BICRA: variants seen among roughly 807,000 people sequenced by gnomAD.
The protein encoded by BICRA is BRD4 interacting chromatin remodeling complex associated protein.
A neutral mutation model predicts 96.9 loss-of-function variants in BICRA; 31 were observed. The ratio of observed to expected loss-of-function variants is 0.32; its 90% CI spans 0.24 to 0.43. The LOEUF (loss-of-function observed/expected upper bound fraction) is 0.43, where lower values mean the gene tolerates loss of function less well. Ranked by LOEUF, BICRA falls within the 20% of genes least tolerant of loss-of-function variation. The pLI is 1.00. For synonymous variants in BICRA, 1,350 were observed against 1,071.8 expected (o/e 1.26, Z -5.07); for missense variants, 2,283 against 2,190.3 (o/e 1.04, Z -0.84).
chr19:47,697,361 TC>T (rs1973362812), intron 11 of BICRA, among the ~76,000 whole-genome samples: 1 of 150,976 alleles, frequency 6.6e-6, no homozygotes, highest in East Asian at 2.0e-4. Flanking sequence ...CCATTGCACT[TC>T]AGCCCAGGCG....
At chr19:47,632,302 G>A (rs1000507917) in intron 1 of BICRA, among the ~76,000 whole-genome samples, 73 of 152,342 alleles carry the variant, frequency 4.8e-4, no homozygotes, top group African/African-American at 1.3e-3. Flanking sequence ...AACAGCAGCC[G>A]GAGCTTTTGA....
rs1168179820 is a variant in BICRA at position 47,616,413 on chromosome 19, G to T, written c.-108+7245G>T. On this transcript the variant is annotated intron_variant, in intron 1 of 14. Coordinates refer to ENST00000594866, the MANE Select transcript of BICRA (RefSeq NM_001394372.1). The stretch of plus-strand genomic sequence containing the variant: ...GCACTTTGGGAGGCCAAGGCAGGCG[G>T]ATCACTTGAGGTCAGGAGTTCGAGA... Among the ~76,000 whole-genome samples the T allele has an allele frequency of 5.3e-5, 8 of 152,172 alleles. No individual in the cohort carries two copies. In the South Asian group the frequency reaches 1.0e-3, roughly 20 times the overall value.
intron 1 of BICRA, among the ~76,000 whole-genome samples, chr19:47,619,247 T>G (rs1972029223): frequency 6.6e-6 from 1 of 151,210 alleles, no homozygotes; most frequent in South Asian, 2.1e-4. Context: ...TTTTTTTCCT[T>G]TTTTTTGTGT....
intron 1 of BICRA, among the ~76,000 whole-genome samples, chr19:47,629,335 C>G (rs924275809): frequency 6.6e-6 from 1 of 152,190 alleles, no homozygotes; most frequent in African/African-American, 2.4e-5. Context: ...TTCAACAACT[C>G]CCCCCATCCC....
chr19:47,627,865 G>T (rs1972163819), intron 1 of BICRA, among the ~76,000 whole-genome samples: 2 of 152,170 alleles, frequency 1.3e-5, no homozygotes, highest in Admixed American at 6.6e-5. Context: ...CACCTCCCGG[G>T]TTCAAGCGAT....
Position 47,699,110 on chromosome 19 carries a change from C to A in BICRA, c.3492+51C>A. On this transcript the variant is annotated intron_variant, in intron 13 of 14. Transcript: ENST00000594866. The surrounding 1 kb of genome is among the most constrained non-coding windows in gnomAD (Gnocchi z 5.0). ...CTCTGGGCTCCTCCTCGCTGGGACA[C>A]TGCCCCTTTCCCTCACCCGCTCTGG... 1 of 1,264,162 alleles carries A rather than the reference C, an allele frequency of 7.9e-7. No homozygotes were observed. Among genetic ancestry groups the A allele is most frequent in the South Asian group, 1.3e-5 (1 of 78,600 alleles). 78.3% of individuals were successfully genotyped at this position (1,264,162 alleles called of 1,614,324 possible). A position where few individuals can be genotyped will look rare whatever the true frequency, so the allele number is the denominator to read the frequency against.
At chr19:47,697,010 T>TG (rs1169797585) in intron 11 of BICRA, among the ~76,000 whole-genome samples, 23 of 57,380 alleles carry the variant, frequency 4.0e-4, no homozygotes, top group African/African-American at 9.5e-4. Context: ...TGTTTTGTTT[T>TG]AGGGGGGGTT....
Position 47,701,212 on chromosome 19 carries a change from C to T in BICRA, c.3596-116C>T, listed in dbSNP as rs1973435898. On this transcript the variant is annotated intron_variant, in intron 14 of 14. Transcript: ENST00000594866. The surrounding 1 kb of genome is among the most constrained non-coding windows in gnomAD (Gnocchi z 5.4). ...AGCCTATCCTGAGGATTGGAGGGTC[C>T]AGGGTGCAGTCTGGTGCCTGGCAGG... is the stretch of plus-strand genomic sequence containing the variant. The T allele has an allele frequency of 1.4e-6, 1 of 710,818 alleles. No homozygotes were observed. Among genetic ancestry groups the T allele is most frequent in the Non-Finnish European group, 2.4e-6 (1 of 409,710 alleles). The allele number at this position is 710,818 out of a possible 1,614,324, so 44.0% of individuals were successfully genotyped here.
At chr19:47,677,028 C>T (rs1972952556) in intron 5 of BICRA, among the ~76,000 whole-genome samples, 1 of 152,090 alleles carries the variant, frequency 6.6e-6, no homozygotes, top group African/African-American at 2.4e-5. Context: ...GAGCCAGAGC[C>T]CTGTCTGCCT....
chr19:47,610,066 G>A (rs1338575251), intron 1 of BICRA, among the ~76,000 whole-genome samples: 2 of 152,188 alleles, frequency 1.3e-5, no homozygotes, highest in Non-Finnish European at 2.9e-5. Flanking sequence ...CCCGGCCGGG[G>A]CACCGCGCTC....
chr19:47,701,656 C>G lies in BICRA; in HGVS notation c.3924C>G (p.Leu1308=). The G allele has an allele frequency of 1.9e-6, 3 of 1,600,840 alleles. No individual in the cohort carries two copies. In the African/African-American group the frequency reaches 4.0e-5, roughly 21 times the overall value. Residue 1308 remains leucine (L), a synonymous_variant, in exon 15 of 15, where the codon CTC becomes CTG. Transcript: ENST00000594866. This position sits in a 1 kb window ranked among gnomAD's most constrained non-coding sequence, Gnocchi z 5.4. ...ACGAGGCCCGGAGCCGCATCGGGCT[C>G]AAGCTCAAGATCAAGCAGGAAGCCG... ...KTYEARSRIG[L]KLKIKQEAGL... is the part of the protein sequence containing the mutation.
rs1487470382 is a variant in BICRA at position 47,680,220 on chromosome 19, C to G, written c.1050C>G (p.Pro350=). 3.2e-6 allele frequency: 5 copies of G among 1,559,746 alleles called. No individual in the cohort carries two copies. The African/African-American group carries it at 6.8e-5, about 21-fold the overall frequency. ...PNVILHRTPT[P]IQPKPAGVLP... ...TGATCCTGCATCGCACACCCACGCC[C>G]ATCCAGCCCAAGCCCGCGGGGGTGC... Residue 350 remains proline, a synonymous_variant, in exon 6 of 15, where the codon CCC becomes CCG. Transcript: ENST00000594866.
rs1176650521 is a variant in BICRA at position 47,679,369 on chromosome 19, C to G, written c.199C>G (p.Gln67Glu). ...SGNHLNPEPN[Q>E]PAPSVDLDFL... ...CAACCACCTGAACCCAGAGCCCAAC[C>G]AGCCGGCCCCCAGTGTGGACCTAGA... The change falls in exon 6 of 15, where the codon CAG becomes GAG. Residue 67 changes from glutamine to glutamate, a missense_variant. Coordinates refer to ENST00000594866, the MANE Select transcript of BICRA (RefSeq NM_001394372.1). The G allele has an allele frequency of 7.0e-7, 1 of 1,433,432 alleles. No homozygotes were observed. Among genetic ancestry groups the G allele is most frequent in the Non-Finnish European group, 9.2e-7 (1 of 1,091,460 alleles). The allele number at this position is 1,433,432 out of a possible 1,614,324, so 88.8% of individuals were successfully genotyped here.
intron 1 of BICRA, among the ~76,000 whole-genome samples, chr19:47,610,864 C>G (rs1182930316): frequency 6.6e-6 from 1 of 152,102 alleles, no homozygotes; most frequent in East Asian, 1.9e-4. Context: ...GGAAGCACCC[C>G]CTTCCCATGC....
chr19:47,679,293 T>C, intron 5 of BICRA, 28 bp from the exon 6 acceptor site: 4 of 1,415,100 alleles, frequency 2.8e-6, no homozygotes, highest in South Asian at 1.6e-5. Context: ...ACCTCAGCTC[T>C]TTCCTTCCCA....
intron 11 of BICRA, among the ~76,000 whole-genome samples, chr19:47,697,948 CCTT>C (rs543674809): frequency 1.3e-3 from 204 of 152,328 alleles, no homozygotes; most frequent in African/African-American, 4.4e-3. Flanking sequence ...CTCAGACAAT[CCTT>C]CTGCCTCGGC....
chr19:47,643,201 C>T (rs1972408544), intron 1 of BICRA, among the ~76,000 whole-genome samples: 1 of 152,236 alleles, frequency 6.6e-6, no homozygotes, highest in Admixed American at 6.5e-5. Context: ...AACTCCTGAC[C>T]TCAAGTGATC....
At chr19:47,688,313 C>A (rs1973189115) in intron 7 of BICRA, among the ~76,000 whole-genome samples, 1 of 152,036 alleles carries the variant, frequency 6.6e-6, no homozygotes. Flanking sequence ...GGTGAACAAT[C>A]CACTCATATG....
At position 47,701,344 on chromosome 19, in the gene BICRA, C is replaced by G; in HGVS notation, c.3612C>G (p.Ser1204=). ...AKEKPDEYVS[S]SRSLGLPIAA... The stretch of plus-strand genomic sequence containing the variant: ...ATTCTGCAGACGAGTACGTGTCTTC[C>G]TCCCGCTCGCTCGGCCTCCCCATCG... The change falls in exon 15 of 15, where the codon TCC becomes TCG. Residue 1204 remains serine, a synonymous_variant. Coordinates refer to ENST00000594866, the MANE Select transcript of BICRA (RefSeq NM_001394372.1). The surrounding 1 kb of genome is among the most constrained non-coding windows in gnomAD (Gnocchi z 5.4). The G allele has an allele frequency of 6.2e-7, 1 of 1,610,836 alleles. No homozygotes were observed. The highest frequency in any genetic ancestry group is 8.5e-7 in the Non-Finnish European group (1 of 1,179,178).
Sources: gnomAD v4.1 joint callset for allele counts (sites outside exome capture counted in the v4.1 genomes callset) on GRCh38, gnomAD v4.1.1 for gene constraint, Gnocchi (gnomAD v3.1) non-coding constraint, MANE v1.5 for transcripts, NCBI Gene and HGNC (gene_info 2026-07-23, HGNC 2026-07-21) for gene names.